The following SYT9 variants were observed in gnomAD, a reference collection of about 807,000 sequenced individuals.
SYT9 encodes the protein synaptotagmin-9.
SYT9 carries 22 observed loss-of-function variants against 48.4 expected under a neutral mutation model. That is an observed-to-expected ratio of 0.45 (90% CI 0.32 to 0.65). The LOEUF is 0.65. Ranked by LOEUF, SYT9 falls within the 30% of genes least tolerant of loss-of-function variation. SYT9 has a pLI of 0.03. For synonymous variants in SYT9, 265 were observed against 245.0 expected, an observed-to-expected ratio of 1.08 and a Z score of -0.76; for missense variants, 577 against 622.0, an observed-to-expected ratio of 0.93 and a Z score of 0.77.
chr11:7,285,185 A>G (rs1848574129), intron 1 of SYT9, among the ~76,000 whole-genome samples: 1 of 152,152 alleles, frequency 6.6e-6, no homozygotes, highest in Non-Finnish European at 1.5e-5. Flanking sequence ...GTCTGTTCTC[A>G]TGCTGCTGTG....
intron 3 of SYT9, among the ~76,000 whole-genome samples, chr11:7,337,233 A>G (rs550804098): frequency 1.2e-4 from 19 of 152,216 alleles, no homozygotes; most frequent in African/African-American, 3.9e-4. Flanking sequence ...TTCTCAGCTT[A>G]AGGAGCTTTG....
At position 7,277,440 on chromosome 11, in the gene SYT9, A is replaced by G. The variant is rs558870664; in HGVS notation, c.145+25109A>G. On this transcript the variant is annotated intron_variant, in intron 1 of 6. Coordinates refer to ENST00000318881, the MANE Select transcript of SYT9 (RefSeq NM_175733.4). ...GTCTTACTTTCCCTGTTGTCCTATT[A>G]AGTTCAAAAGTCGACTTAACAAAAT... 2.0e-5 allele frequency among the ~76,000 whole-genome samples: 3 copies of G among 152,364 alleles called. No homozygotes were observed. In the South Asian group the frequency reaches 6.2e-4, roughly 32 times the overall value.
At chr11:7,334,764 A>T (rs1160854601) in intron 3 of SYT9, among the ~76,000 whole-genome samples, 2 of 136,246 alleles carry the variant, frequency 1.5e-5, no homozygotes, top group African/African-American at 5.2e-5. Context: ...TACTTCTTTC[A>T]ATCAGAATAA....
upstream of SYT9, among the ~76,000 whole-genome samples, chr11:7,250,857 T>C (rs1406292850): frequency 6.6e-6 from 1 of 151,794 alleles, no homozygotes. Context: ...CTAATTGCTC[T>C]AGAGTGGGGG....
intron 6 of SYT9, among the ~76,000 whole-genome samples, chr11:7,429,612 A>T (rs572445584): frequency 9.2e-5 from 14 of 152,212 alleles, no homozygotes; most frequent in Non-Finnish European, 1.5e-4. Flanking sequence ...CTTATTTAGG[A>T]TACAGGTGAA....
At chr11:7,386,859 T>A (rs1361506528) in intron 3 of SYT9, among the ~76,000 whole-genome samples, 2 of 152,212 alleles carry the variant, frequency 1.3e-5, no homozygotes, top group Non-Finnish European at 2.9e-5. Flanking sequence ...GTATGTTTAT[T>A]GCGGCACTAT....
At chr11:7,301,604 A>C (rs1848921798) in intron 1 of SYT9, among the ~76,000 whole-genome samples, 1 of 152,256 alleles carries the variant, frequency 6.6e-6, no homozygotes, top group South Asian at 2.1e-4. Flanking sequence ...TTAGAATATG[A>C]ATCTGTGAAG....
chr11:7,453,538 A>G (rs779447275), intron 6 of SYT9, among the ~76,000 whole-genome samples: 1 of 152,192 alleles, frequency 6.6e-6, no homozygotes, highest in Non-Finnish European at 1.5e-5. Flanking sequence ...TGGTGGAGGG[A>G]GACAGGCAAA....
Position 7,442,929 on chromosome 11 carries a change from C to T in SYT9, c.1467+22294C>T, listed in dbSNP as rs146841227. ...AGGATTCAGTGATAAAAACACATGG[C>T]GCCTGCCTTCCAGGAGTACACAGTC... On this transcript the variant is annotated intron_variant, in intron 6 of 6. Transcript: ENST00000318881. 2.9e-4 allele frequency among the ~76,000 whole-genome samples: 44 copies of T among 152,150 alleles called. No homozygotes were observed. The East Asian group carries it at 6.2e-3, about 21-fold the overall frequency.
chr11:7,464,890 G>T (rs1033366139), intron 6 of SYT9, among the ~76,000 whole-genome samples: 6 of 152,052 alleles, frequency 3.9e-5, no homozygotes, highest in Admixed American at 1.3e-4. Context: ...AGACCATCAT[G>T]GCTAACACAG....
chr11:7,280,394 C>G (rs1848472161), intron 1 of SYT9, among the ~76,000 whole-genome samples: 1 of 152,236 alleles, frequency 6.6e-6, no homozygotes, highest in Non-Finnish European at 1.5e-5. Flanking sequence ...ACTTATTCAT[C>G]AATAATCTGA....
At chr11:7,240,991 A>G (rs1847734006) in intron 1 of SYT9, among the ~76,000 whole-genome samples, 1 of 152,182 alleles carries the variant, frequency 6.6e-6, no homozygotes, top group Non-Finnish European at 1.5e-5. Flanking sequence ...CTGTTCACTG[A>G]CAAACCTGAG....
chr11:7,368,817 A>T (rs565347249), intron 3 of SYT9, among the ~76,000 whole-genome samples: 8 of 152,164 alleles, frequency 5.3e-5, no homozygotes, highest in African/African-American at 1.9e-4. Context: ...TATTGCTGCA[A>T]TGAACATACG....
intron 6 of SYT9, among the ~76,000 whole-genome samples, chr11:7,424,764 A>G (rs1474580948): frequency 2.0e-5 from 3 of 152,214 alleles, no homozygotes; most frequent in African/African-American, 4.8e-5. Flanking sequence ...GGCGTGCCCC[A>G]TTTTGGATGT....
chr11:7,371,466 T>A (rs923172478), intron 3 of SYT9, among the ~76,000 whole-genome samples: 1 of 151,392 alleles, frequency 6.6e-6, no homozygotes, highest in Non-Finnish European at 1.5e-5. Context: ...GAGAGTGGGA[T>A]TTTTTTATTT....
At chr11:7,351,357 G>A (rs755084617) in intron 3 of SYT9, among the ~76,000 whole-genome samples, 23 of 152,226 alleles carry the variant, frequency 1.5e-4, no homozygotes, top group Non-Finnish European at 2.6e-4. Context: ...GTCAGTGCAA[G>A]AGGGCCCTGA....
intron 6 of SYT9, chr11:7,439,805 C>T (rs1847793884): frequency 6.6e-6 from 1 of 152,200 alleles, no homozygotes; most frequent in African/African-American, 2.4e-5. Flanking sequence ...GCCCTAACCA[C>T]CGAGGTTTGT....
At chr11:7,290,370 A>C (rs756255108) in intron 1 of SYT9, among the ~76,000 whole-genome samples, 25 of 152,186 alleles carry the variant, frequency 1.6e-4, no homozygotes, top group Non-Finnish European at 3.2e-4. Flanking sequence ...GTTATATAAT[A>C]CCTCGATGAG....
intron 3 of SYT9, among the ~76,000 whole-genome samples, chr11:7,341,188 G>A (rs1012204995): frequency 6.6e-6 from 1 of 152,158 alleles, no homozygotes; most frequent in East Asian, 1.9e-4. Flanking sequence ...GAGAGCTGCT[G>A]TGCTGTACTG....
Sources: gnomAD v4.1 joint callset for allele counts (sites outside exome capture counted in the v4.1 genomes callset) on GRCh38, gnomAD v4.1.1 for gene constraint, MANE v1.5 for transcripts, NCBI Gene and HGNC (gene_info 2026-07-23, HGNC 2026-07-21) for gene names.